The following FGF14 variants were observed in gnomAD, a reference collection of about 807,000 sequenced individuals.
The protein encoded by FGF14 is fibroblast growth factor 14.
In FGF14, 5 loss-of-function variants were observed where a neutral mutation model predicts 25.5. The ratio of observed to expected loss-of-function variants is 0.20; its 90% CI spans 0.10 to 0.41. The LOEUF is 0.41. Among genes scored for constraint, FGF14 ranks in the 10% least tolerant of loss-of-function variants. The pLI, the probability that FGF14 is intolerant of heterozygous loss-of-function variation, is 1.00. For missense variants in FGF14, 222 were observed against 320.1 expected (o/e 0.69, Z 2.34); for synonymous variants, 138 against 118.3 (o/e 1.17, Z -1.08).
At chr13:102,378,682 T>C (rs1261844005) in intron 1 of FGF14, among the ~76,000 whole-genome samples, 1 of 151,332 alleles carries the variant, frequency 6.6e-6, no homozygotes, top group Non-Finnish European at 1.5e-5. Flanking sequence ...AAAGGCGGTA[T>C]TCTCCCTCTA....
intron 1 of FGF14, among the ~76,000 whole-genome samples, chr13:101,952,618 T>C (rs1254605397): frequency 2.6e-5 from 4 of 152,270 alleles, no homozygotes; most frequent in Non-Finnish European, 5.9e-5. Flanking sequence ...GCTCTTTTTT[T>C]CCCTGACATG....
At chr13:102,079,363 T>C (rs928684309) in intron 1 of FGF14, among the ~76,000 whole-genome samples, 1 of 152,222 alleles carries the variant, frequency 6.6e-6, no homozygotes, top group African/African-American at 2.4e-5. Context: ...GCACATTTTC[T>C]TTCCCAGAGG....
chr13:101,898,805 T>G (rs1209683172), intron 1 of FGF14, among the ~76,000 whole-genome samples: 2 of 152,022 alleles, frequency 1.3e-5, no homozygotes, highest in African/African-American at 4.8e-5. Context: ...AGAAAGAAAA[T>G]TGGTTGATGG....
At chr13:102,235,988 A>C (rs1332160212) in intron 1 of FGF14, among the ~76,000 whole-genome samples, 1 of 152,254 alleles carries the variant, frequency 6.6e-6, no homozygotes, top group African/African-American at 2.4e-5. Context: ...TTTTGCTTTA[A>C]AGATAGTAAC....
intron 1 of FGF14, among the ~76,000 whole-genome samples, chr13:102,188,171 T>C (rs1022800640): frequency 6.6e-5 from 10 of 152,270 alleles, no homozygotes; most frequent in Admixed American, 3.9e-4. Context: ...CTATCTATCA[T>C]GAAGTACCAG....
intron 1 of FGF14, among the ~76,000 whole-genome samples, chr13:102,215,888 G>C (rs1481356341): frequency 6.6e-6 from 1 of 152,182 alleles, no homozygotes; most frequent in East Asian, 1.9e-4. Context: ...TCACTGATGA[G>C]TAGCGGTTGA....
At position 101,904,950 on chromosome 13, in the gene FGF14, T is replaced by G. The variant is rs546254704; in HGVS notation, c.193+11503A>C. On this transcript the variant is annotated intron_variant, in intron 1 of 4. Transcript: ENST00000376143. ...GGCATTGGGATGCAGAAAACAAAAG[T>G]TGGTCAAACATGAAATACTTGAAAT... Among the ~76,000 whole-genome samples, 4 of 152,302 alleles carry G rather than the reference T, an allele frequency of 2.6e-5. No homozygotes were observed. In the East Asian group the frequency reaches 7.7e-4, roughly 29 times the overall value.
At chr13:101,975,771 TG>T (rs1210682268) in intron 1 of FGF14, among the ~76,000 whole-genome samples, 2 of 152,212 alleles carry the variant, frequency 1.3e-5, no homozygotes, top group African/African-American at 4.8e-5. Flanking sequence ...AAAAAGCTGG[TG>T]TTAAAACCAG....
intron 1 of FGF14, among the ~76,000 whole-genome samples, chr13:101,998,756 C>CA: frequency 6.6e-6 from 1 of 152,210 alleles, no homozygotes; most frequent in Middle Eastern, 3.4e-3. Context: ...TGTAAGTGGC[C>CA]AAAATGTAGT....
chr13:101,986,915 T>TATACACACACATGTATGTGC (rs2038613179), intron 1 of FGF14, among the ~76,000 whole-genome samples: 1 of 146,600 alleles, frequency 6.8e-6, no homozygotes, highest in Admixed American at 6.9e-5. Flanking sequence ...TTTCTCTATG[T>TATACACACACATGTATGTGC]ATACACACAC....
chr13:101,818,729 G>T (rs976668252), intron 3 of FGF14, among the ~76,000 whole-genome samples: 5 of 152,148 alleles, frequency 3.3e-5, no homozygotes, highest in African/African-American at 1.2e-4. Flanking sequence ...TAAGCTTTCA[G>T]AGAGTAACAC....
intron 1 of FGF14, among the ~76,000 whole-genome samples, chr13:101,894,390 TTAGCAGTAGA>T (rs1357879735): frequency 6.6e-6 from 1 of 152,134 alleles, no homozygotes; most frequent in Admixed American, 6.6e-5. Context: ...ACATAAAATA[TTAGCAGTAGA>T]TAGCATCTCA....
intron 1 of FGF14, among the ~76,000 whole-genome samples, chr13:102,211,373 C>T (rs1214453413): frequency 6.6e-6 from 1 of 152,102 alleles, no homozygotes; most frequent in Non-Finnish European, 1.5e-5. Context: ...TTAAAGAATG[C>T]CTTGCTCTGT....
chr13:101,860,386 T>C (rs1487979094), intron 3 of FGF14, among the ~76,000 whole-genome samples: 1 of 152,014 alleles, frequency 6.6e-6, no homozygotes, highest in Non-Finnish European at 1.5e-5. Flanking sequence ...GAGCTCTATG[T>C]ATGGTCATGT....
intron 1 of FGF14, among the ~76,000 whole-genome samples, chr13:102,020,892 G>A (rs1323424145): frequency 6.6e-6 from 1 of 151,098 alleles, no homozygotes; most frequent in Non-Finnish European, 1.5e-5. Flanking sequence ...AGAAGGGAAT[G>A]AGGAAATAAG....
intron 1 of FGF14, among the ~76,000 whole-genome samples, chr13:101,884,377 T>C (rs757619710): frequency 3.3e-5 from 5 of 152,066 alleles, no homozygotes; most frequent in Admixed American, 6.5e-5. Flanking sequence ...TTTCAACAAT[T>C]TGTGGGGCTG....
chr13:102,157,126 A>G (rs1238914353), intron 1 of FGF14, among the ~76,000 whole-genome samples: 1 of 152,196 alleles, frequency 6.6e-6, no homozygotes, highest in Non-Finnish European at 1.5e-5. Flanking sequence ...CAAGCTACCA[A>G]TGACTTTCTT....
chr13:102,317,970 G>A (rs747802888), intron 1 of FGF14, among the ~76,000 whole-genome samples: 2 of 152,174 alleles, frequency 1.3e-5, no homozygotes, highest in Non-Finnish European at 2.9e-5. Flanking sequence ...ACAATTGCAA[G>A]ACCATAGACA....
At chr13:102,219,155 C>T (rs2050500776) in intron 1 of FGF14, among the ~76,000 whole-genome samples, 1 of 152,196 alleles carries the variant, frequency 6.6e-6, no homozygotes, top group Non-Finnish European at 1.5e-5. Flanking sequence ...CCCTGTTGTG[C>T]TAACTCAAAT....
Sources: gnomAD v4.1 joint callset for allele counts (sites outside exome capture counted in the v4.1 genomes callset) on GRCh38, gnomAD v4.1.1 for gene constraint, MANE v1.5 for transcripts, NCBI Gene and HGNC (gene_info 2026-07-23, HGNC 2026-07-21) for gene names.